Variants in DHRS9 observed in about 807,000 individuals in gnomAD.
The protein encoded by DHRS9 is dehydrogenase/reductase SDR family member 9.
A neutral mutation model predicts 26.6 loss-of-function variants in DHRS9; 18 were observed. The ratio of observed to expected loss-of-function variants is 0.68; its 90% confidence interval spans 0.47 to 1.00. The LOEUF (loss-of-function observed/expected upper bound fraction) is 1.00. Ranked by LOEUF, DHRS9 falls within the 50% of genes least tolerant of loss-of-function variation. The pLI is 0.00. For synonymous variants in DHRS9, 134 were observed against 141.1 expected (o/e 0.95, Z 0.36); for missense variants, 425 against 378.7 (o/e 1.12, Z -1.01).
At chr2:169,091,366 A>T (rs900878620) in intron 3 of DHRS9, among the ~76,000 whole-genome samples, 1 of 152,256 alleles carries the variant, frequency 6.6e-6, no homozygotes, top group African/African-American at 2.4e-5. Context: ...CCTTCAGCAC[A>T]TCCTCATTTG....
intron 1 of DHRS9, among the ~76,000 whole-genome samples, chr2:169,075,129 T>A (rs1294192616): frequency 3.3e-5 from 5 of 152,174 alleles, no homozygotes; most frequent in Admixed American, 6.5e-5. Context: ...ACTCCAAAAG[T>A]CTGGGGTTCT....
At chr2:169,072,303 A>C (rs754027653) in intron 1 of DHRS9, among the ~76,000 whole-genome samples, 11 of 152,216 alleles carry the variant, frequency 7.2e-5, no homozygotes, top group Non-Finnish European at 1.0e-4. Flanking sequence ...GAAGTAAATA[A>C]AGATTCTACA....
In DHRS9 at chr2:169,095,855, T is replaced by C. The variant is rs1574041849; in HGVS notation, c.*88T>C. On this transcript the variant is annotated 3_prime_UTR_variant, in exon 5 of 5. Transcript: ENST00000674881. ...CTTTTCAACCCCATTCCTTATCTGC[T>C]CCAACCTGGACTCATTTAGATCGTG... 5.9e-6 allele frequency: 7 copies of C among 1,194,078 alleles called. No homozygotes were observed. The East Asian group carries it at 1.7e-4, about 30-fold the overall frequency. The allele number at this position is 1,194,078 out of a possible 1,614,324, so 74.0% of individuals were successfully genotyped here.
intron 1 of DHRS9, chr2:169,070,546 C>G (rs2105276365): frequency 1.0e-6 from 1 of 985,300 alleles, no homozygotes; most frequent in East Asian, 1.1e-4. Flanking sequence ...ATTAACTGCT[C>G]TAAAAATCTC....
intron 3 of DHRS9, among the ~76,000 whole-genome samples, chr2:169,087,240 A>G (rs1684380613): frequency 6.6e-6 from 1 of 152,042 alleles, no homozygotes; most frequent in African/African-American, 2.4e-5. Context: ...CAAGCAGAGG[A>G]GTCTCTCACC....
At chr2:169,094,253 T>C (rs1684625688) in intron 4 of DHRS9, among the ~76,000 whole-genome samples, 1 of 152,210 alleles carries the variant, frequency 6.6e-6, no homozygotes, top group African/African-American at 2.4e-5. Flanking sequence ...TCTGTTCAGA[T>C]TCTCTTCCCA....
chr2:169,090,309 C>T (rs903467521), intron 3 of DHRS9, among the ~76,000 whole-genome samples: 12 of 152,182 alleles, frequency 7.9e-5, no homozygotes, highest in African/African-American at 2.7e-4. Context: ...CGTAAGGCCA[C>T]TTGTCCCTAG....
intron 4 of DHRS9, among the ~76,000 whole-genome samples, 182 bp from the exon 5 acceptor site, chr2:169,095,362 T>A (rs1004347284): frequency 6.6e-6 from 1 of 152,046 alleles, no homozygotes; most frequent in Non-Finnish European, 1.5e-5. Context: ...GAGCTGCTGG[T>A]CTAAAGAAAG....
intron 1 of DHRS9, among the ~76,000 whole-genome samples, chr2:169,079,642 C>T (rs1293692094): frequency 2.0e-5 from 3 of 151,608 alleles, no homozygotes; most frequent in Non-Finnish European, 4.4e-5. Flanking sequence ...TCACCTGAGG[C>T]CAGGAGTTCA....
chr2:169,082,637 T>TA (rs112928167), intron 2 of DHRS9, among the ~76,000 whole-genome samples: 1 of 152,194 alleles, frequency 6.6e-6, no homozygotes, highest in African/African-American at 2.4e-5. Flanking sequence ...CCAACACCTT[T>TA]AAAAATACTA....
chr2:169,085,369 A>G (rs1684319874), intron 3 of DHRS9, among the ~76,000 whole-genome samples: 1 of 152,150 alleles, frequency 6.6e-6, no homozygotes, highest in Non-Finnish European at 1.5e-5. Context: ...TCTGTAAAGA[A>G]TGTCATTGGT....
intron 1 of DHRS9, 75 bp from the exon 2 acceptor site, chr2:169,081,447 CT>C: frequency 2.8e-6 from 4 of 1,431,358 alleles, no homozygotes; most frequent in Non-Finnish European, 2.8e-6. Flanking sequence ...ATTAAAATAT[CT>C]CAAATTCATC....
rs542608724 is a variant in DHRS9, at chr2:169,078,061, T to A, written c.-59-3462T>A. 3.3e-5 allele frequency among the ~76,000 whole-genome samples: 5 copies of A among 152,260 alleles called. No homozygotes were observed. The South Asian group carries it at 1.0e-3, about 32-fold the overall frequency. On this transcript the variant is annotated intron_variant, in intron 1 of 4. Transcript: ENST00000674881. ...CTTCTCAGCCCAGCCCAGAGTGGAG[T>A]GCTCCAGTCCCCAGAGCCCCTCATC...
At chr2:169,069,427 T>C, upstream of DHRS9, 1 of 985,454 alleles carries the variant, frequency 1.0e-6, no homozygotes, top group South Asian at 4.7e-5. Flanking sequence ...ATACTGCTGA[T>C]TCCTTTTGAA....
chr2:169,078,601 T>C (rs1433859879), intron 1 of DHRS9, among the ~76,000 whole-genome samples: 4 of 152,188 alleles, frequency 2.6e-5, no homozygotes, highest in Non-Finnish European at 5.9e-5. Context: ...ATTTATAATG[T>C]ATTTGAGAAC....
intron 2 of DHRS9, among the ~76,000 whole-genome samples, chr2:169,082,413 T>C (rs919013309): frequency 6.6e-6 from 1 of 152,228 alleles, no homozygotes; most frequent in Non-Finnish European, 1.5e-5. Context: ...CATTCTGCAA[T>C]AGATTCTGCT....
At chr2:169,081,425 C>T in intron 1 of DHRS9, 98 bp from the exon 2 acceptor site, 1 of 1,340,252 alleles carries the variant, frequency 7.5e-7, no homozygotes, top group Non-Finnish European at 9.8e-7. Context: ...TTCTATTTAT[C>T]CACACTAATG....
intron 3 of DHRS9, among the ~76,000 whole-genome samples, chr2:169,086,338 T>A (rs1049568475): frequency 3.3e-5 from 5 of 152,222 alleles, no homozygotes; most frequent in East Asian, 1.9e-4. Context: ...TTCTTTTTAA[T>A]TATTTGTCTC....
At chr2:169,076,890 A>C (rs1338448467) in intron 1 of DHRS9, among the ~76,000 whole-genome samples, 1 of 152,268 alleles carries the variant, frequency 6.6e-6, no homozygotes, top group Non-Finnish European at 1.5e-5. Context: ...TATTATTAAG[A>C]AAAGCATAAG....
Sources: gnomAD v4.1 joint callset for allele counts (sites outside exome capture counted in the v4.1 genomes callset) on GRCh38, gnomAD v4.1.1 for gene constraint, MANE v1.5 for transcripts, NCBI Gene and HGNC (gene_info 2026-07-23, HGNC 2026-07-21) for gene names.